TLN2: variants seen among roughly 807,000 people sequenced by gnomAD.
TLN2 encodes the protein talin-2.
A neutral mutation model predicts 294.7 loss-of-function variants in TLN2; 118 were observed. That is an observed-to-expected ratio of 0.40 (90% CI 0.34 to 0.47). The LOEUF is 0.47. Ranked by LOEUF, TLN2 falls within the 20% of genes least tolerant of loss-of-function variation. TLN2 has a pLI of 0.84. For missense variants in TLN2, 3,083 were observed against 3,282.2 expected, an observed-to-expected ratio of 0.94 and a Z score of 1.48; for synonymous variants, 1,431 against 1,304.5, an observed-to-expected ratio of 1.10 and a Z score of -2.09.
At chr15:62,517,645 A>G (rs760281218) in intron 1 of TLN2, among the ~76,000 whole-genome samples, 2 of 152,198 alleles carry the variant, frequency 1.3e-5, no homozygotes, top group African/African-American at 2.4e-5. Flanking sequence ...CTTACATTCT[A>G]ATTTGTTTTT....
intron 26 of TLN2, 111 bp downstream of exon 26, chr15:62,722,598 T>C: frequency 1.5e-6 from 2 of 1,332,970 alleles, no homozygotes; most frequent in Non-Finnish European, 2.0e-6. Context: ...AAGTTGTCCA[T>C]TCTACTTGCA....
intron 1 of TLN2, among the ~76,000 whole-genome samples, chr15:62,478,678 G>A (rs781462946): frequency 2.6e-5 from 4 of 152,168 alleles, no homozygotes; most frequent in Admixed American, 6.5e-5. Flanking sequence ...GGGTGGGTTA[G>A]GGGTTGATTC....
intron 45 of TLN2, among the ~76,000 whole-genome samples, chr15:62,790,696 C>G (rs866027667): frequency 8.5e-5 from 13 of 152,352 alleles, no homozygotes; most frequent in African/African-American, 2.9e-4. Context: ...CTCTGTGGAT[C>G]TGGAACACTT....
chr15:62,739,123 A>G (rs967607956), intron 30 of TLN2, among the ~76,000 whole-genome samples: 28 of 152,212 alleles, frequency 1.8e-4, no homozygotes, highest in Admixed American at 6.5e-4. Context: ...TTAGATCCAC[A>G]GTGTCTAGCA....
chr15:62,825,817 A>AATATATATT (rs2068080279), intron 54 of TLN2, among the ~76,000 whole-genome samples: 1 of 22,252 alleles, frequency 4.5e-5, no homozygotes, highest in African/African-American at 2.0e-4. Context: ...ATTATATTAT[A>AATATATATT]ATATATATTA....
At chr15:62,415,845 G>A (rs1259112539) in intron 1 of TLN2, among the ~76,000 whole-genome samples, 1 of 152,170 alleles carries the variant, frequency 6.6e-6, no homozygotes, top group African/African-American at 2.4e-5. Context: ...TCGGAGTTGT[G>A]GGGGGTAGCC....
At chr15:62,710,536 G>C (rs2059356907) in intron 21 of TLN2, among the ~76,000 whole-genome samples, 1 of 151,894 alleles carries the variant, frequency 6.6e-6, no homozygotes. Context: ...TTTTAAATTT[G>C]CAAAAAAGTT....
rs548516251 is a variant in TLN2, at chr15:62,840,989, G to GA, written c.*386dup. On this transcript the variant is annotated 3_prime_UTR_variant, in exon 59 of 59. Transcript: ENST00000636159. ...GACCTCTTTATGATATTGTGATAGG[G>GA]AAAAAAATCATTGACGTCATAGAAT... 66 of 162,020 alleles carry GA rather than the reference G, an allele frequency of 4.1e-4. No homozygotes were observed. The highest frequency in any genetic ancestry group is 1.4e-3 in the African/African-American group (57 of 41,900). The allele number at this position is 162,020 out of a possible 1,614,324, so 10.0% of individuals were successfully genotyped here. A position where few individuals can be genotyped will look rare whatever the true frequency, so the allele number is the denominator to read the frequency against.
chr15:62,562,782 G>T (rs1374792279), intron 1 of TLN2, among the ~76,000 whole-genome samples: 3 of 151,978 alleles, frequency 2.0e-5, no homozygotes, highest in South Asian at 2.1e-4. Flanking sequence ...ACTTACGAGT[G>T]AGAATATATG....
chr15:62,401,191 A>T (rs2032994525), intron 1 of TLN2, among the ~76,000 whole-genome samples: 1 of 152,224 alleles, frequency 6.6e-6, no homozygotes, highest in Admixed American at 6.5e-5. Context: ...AAGCTCAAGC[A>T]GAGTATTCCC....
chr15:62,831,528 A>C (rs1035783355), intron 54 of TLN2: 1 of 152,040 alleles, frequency 6.6e-6, no homozygotes, highest in African/African-American at 2.4e-5. Flanking sequence ...TTGGGGACTG[A>C]CTACACAAGA....
At chr15:62,535,090 C>G (rs2041261605) in intron 1 of TLN2, among the ~76,000 whole-genome samples, 1 of 152,102 alleles carries the variant, frequency 6.6e-6, no homozygotes, top group Non-Finnish European at 1.5e-5. Context: ...AGTGAACTTC[C>G]CTGTGTGAGT....
At chr15:62,410,924 C>T (rs566542873) in intron 1 of TLN2, among the ~76,000 whole-genome samples, 4 of 152,278 alleles carry the variant, frequency 2.6e-5, no homozygotes, top group South Asian at 4.1e-4. Context: ...CTTGTAAATT[C>T]GTGTTTTATA....
At chr15:62,576,354 G>A (rs930382806) in intron 1 of TLN2, among the ~76,000 whole-genome samples, 1 of 152,114 alleles carries the variant, frequency 6.6e-6, no homozygotes, top group Admixed American at 6.5e-5. Context: ...TTATGCATTT[G>A]TGAAAAGGAA....
intron 1 of TLN2, among the ~76,000 whole-genome samples, chr15:62,435,873 T>G (rs2035265066): frequency 6.6e-6 from 1 of 152,252 alleles, no homozygotes; most frequent in South Asian, 2.1e-4. Flanking sequence ...AATTAGCATC[T>G]GTCACATGCT....
At chr15:62,673,727 G>T (rs1277121864) in intron 9 of TLN2, 100 bp from the exon 10 acceptor site, 5 of 852,998 alleles carry the variant, frequency 5.9e-6, no homozygotes, top group Non-Finnish European at 9.5e-6. Context: ...AATATTGGGA[G>T]ACTTAGTGAG....
chr15:62,436,788 A>G (rs2035306915), intron 1 of TLN2, among the ~76,000 whole-genome samples: 1 of 152,222 alleles, frequency 6.6e-6, no homozygotes, highest in Admixed American at 6.5e-5. Context: ...CAGTAGCACA[A>G]TCATAGCTCA....
intron 20 of TLN2, 24 bp downstream of exon 20, chr15:62,707,277 C>T: frequency 6.3e-7 from 1 of 1,592,324 alleles, no homozygotes; most frequent in Non-Finnish European, 8.6e-7. Flanking sequence ...CACCCCAGCC[C>T]TTTCTACCCA....
intron 1 of TLN2, among the ~76,000 whole-genome samples, chr15:62,488,160 G>C (rs566882610): frequency 2.0e-5 from 3 of 152,202 alleles, no homozygotes; most frequent in African/African-American, 7.2e-5. Flanking sequence ...AGAGAAAATG[G>C]TACTTTGTAA....
Sources: gnomAD v4.1 joint callset for allele counts (sites outside exome capture counted in the v4.1 genomes callset) on GRCh38, gnomAD v4.1.1 for gene constraint, MANE v1.5 for transcripts, NCBI Gene and HGNC (gene_info 2026-07-23, HGNC 2026-07-21) for gene names.